AGBL3: variants seen among roughly 807,000 people sequenced by gnomAD.
AGBL3 encodes the protein cytosolic carboxypeptidase 3.
In AGBL3, 68 loss-of-function variants were observed where a neutral mutation model predicts 94.5. The observed-to-expected ratio is 0.72, with a 90% CI of 0.59 to 0.88. The LOEUF is 0.88. AGBL3 is among the 40% of genes least tolerant of loss of function. The pLI is 0.00. For synonymous variants in AGBL3, 354 were observed against 370.7 expected (o/e 0.95, Z 0.52); for missense variants, 934 against 1,103.8 (o/e 0.85, Z 2.18).
chr7:135,016,944 A>G (rs1813872425), intron 4 of AGBL3, 108 bp from the exon 5 acceptor site: 1 of 734,724 alleles, frequency 1.4e-6, no homozygotes, highest in African/African-American at 1.8e-5. Context: ...CACACAAAAC[A>G]CTACATTTTA....
At chr7:135,006,692 T>C (rs532078008) in intron 4 of AGBL3, among the ~76,000 whole-genome samples, 3 of 152,028 alleles carry the variant, frequency 2.0e-5, no homozygotes, top group South Asian at 2.1e-4. Flanking sequence ...TGAAATCTTA[T>C]GGAGGAATAC....
intron 15 of AGBL3, among the ~76,000 whole-genome samples, chr7:135,092,167 C>T (rs950592323): frequency 7.2e-6 from 1 of 139,012 alleles, no homozygotes; most frequent in African/African-American, 2.6e-5. Context: ...TTTCTCTCAT[C>T]TCTTCCAATA....
intron 15 of AGBL3, among the ~76,000 whole-genome samples, chr7:135,095,859 A>G (rs1343480357): frequency 6.6e-6 from 1 of 152,138 alleles, no homozygotes; most frequent in East Asian, 1.9e-4. Flanking sequence ...AGTGCTAACA[A>G]TTCATCTTTG....
At chr7:135,077,756 A>AT (rs1247041817) in intron 13 of AGBL3, among the ~76,000 whole-genome samples, 27 of 152,222 alleles carry the variant, frequency 1.8e-4, no homozygotes, top group African/African-American at 6.0e-4. Context: ...AAACGTTCAC[A>AT]TACCAGTTAA....
At chr7:135,075,510 G>A (rs1820364175) in intron 12 of AGBL3, among the ~76,000 whole-genome samples, 2 of 152,154 alleles carry the variant, frequency 1.3e-5, no homozygotes, top group Admixed American at 6.5e-5. Context: ...GTTGTTTTCA[G>A]TTTGGGGCCA....
At chr7:135,117,977 G>C (rs891201937) in intron 16 of AGBL3, among the ~76,000 whole-genome samples, 1 of 152,198 alleles carries the variant, frequency 6.6e-6, no homozygotes, top group African/African-American at 2.4e-5. Context: ...GCAAATTTGA[G>C]CTAAGGGAAG....
rs1258404319 is a variant in AGBL3, at chr7:135,072,667, A to G, written c.1909-3730A>G. ...TTCTCAGCAAACTATCACAAGGACAAAAAACCAAACACCGCATGTTCTCAC... is the reference window on the plus strand; with the variant it reads ...TTCTCAGCAAACTATCACAAGGACAGAAAACCAAACACCGCATGTTCTCAC... On this transcript the variant is annotated intron_variant, in intron 12 of 16. Coordinates refer to ENST00000436302, the MANE Select transcript of AGBL3 (RefSeq NM_178563.4). Among the ~76,000 whole-genome samples the G allele has an allele frequency of 7.9e-5, 12 of 152,038 alleles. No homozygotes were observed. In the East Asian group the frequency reaches 2.3e-3, roughly 29 times the overall value.
Position 135,135,030 on chromosome 7 carries a change from C to G in AGBL3, c.2532C>G (p.Ile844Met). 6.4e-7 allele frequency: 1 copy of G among 1,551,158 alleles called. No homozygotes were observed. The highest frequency in any genetic ancestry group is 8.7e-7 in the Non-Finnish European group (1 of 1,146,646). ...CCAAGAAGAATAAACATTCTCAAAT[C>G]TGGGCCATAAAGAATGAAGACATAA... ...KGPKKNKHSQ[I>M]WAIKNEDIKP... The change falls in exon 17 of 17, where the codon ATC (isoleucine) becomes ATG (methionine). Residue 844 changes from isoleucine (I) to methionine (M), a missense_variant. Ile to Met is a conservative substitution (Grantham distance 10). Transcript: ENST00000436302.
intron 14 of AGBL3, 27 bp downstream of exon 14, chr7:135,080,287 A>G: frequency 1.3e-6 from 2 of 1,534,026 alleles, no homozygotes; most frequent in Non-Finnish European, 1.8e-6. Flanking sequence ...ACCTTCTCAT[A>G]AACAATTAAT....
intron 15 of AGBL3, among the ~76,000 whole-genome samples, chr7:135,114,400 T>C (rs532015372): frequency 6.6e-6 from 1 of 152,304 alleles, no homozygotes; most frequent in South Asian, 2.1e-4. Context: ...CATCCTAATA[T>C]GGGGTGAGAT....
chr7:135,000,444 C>CT (rs1331884465), intron 4 of AGBL3, among the ~76,000 whole-genome samples: 3 of 152,124 alleles, frequency 2.0e-5, no homozygotes, highest in Non-Finnish European at 2.9e-5. Flanking sequence ...TGAGAGCTCT[C>CT]TTCTTGAACT....
chr7:135,037,935 G>A (rs925800289), intron 8 of AGBL3, among the ~76,000 whole-genome samples: 2 of 151,866 alleles, frequency 1.3e-5, no homozygotes, highest in Non-Finnish European at 2.9e-5. Flanking sequence ...CTTAAGAAAT[G>A]TATATTCTTA....
intron 4 of AGBL3, chr7:134,995,135 CAG>C (rs1231671401): frequency 4.6e-5 from 7 of 152,186 alleles, no homozygotes; most frequent in African/African-American, 1.7e-4. Context: ...ATATCTGTGA[CAG>C]AGGGAATGGA....
chr7:135,015,462 G>A (rs1563185041), intron 4 of AGBL3, among the ~76,000 whole-genome samples: 1 of 151,976 alleles, frequency 6.6e-6, no homozygotes, highest in East Asian at 1.9e-4. Flanking sequence ...CAAATACAAC[G>A]TAAAGAACAA....
chr7:134,991,889 G>A (rs1197344176), intron 3 of AGBL3, among the ~76,000 whole-genome samples: 1 of 152,108 alleles, frequency 6.6e-6, no homozygotes, highest in South Asian at 2.1e-4. Flanking sequence ...CTGTGCATGA[G>A]GCCTGCCATT....
intron 12 of AGBL3, among the ~76,000 whole-genome samples, chr7:135,059,769 T>C (rs539909827): frequency 3.3e-5 from 5 of 152,260 alleles, no homozygotes; most frequent in Non-Finnish European, 2.9e-5. Flanking sequence ...TAGGTGGAGA[T>C]TGCAGTTTGG....
rs1821917313 is a variant in AGBL3, at chr7:135,091,965, ATTTCTTAAAGAATTTAATCT to A, written c.2110+10178_2110+10197del. On this transcript the variant is annotated intron_variant, in intron 15 of 16. Transcript: ENST00000436302. ...ATCCACCTGGAAATCTGCAAGAATGATTTCTTAAAGAATTTAATCTTTAAATCATGATGTAGTCTTAACTG... is the reference window on the plus strand; with the variant it reads ...ATCCACCTGGAAATCTGCAAGAATGATTAAATCATGATGTAGTCTTAACTG... 2.0e-5 allele frequency among the ~76,000 whole-genome samples: 3 copies of A among 152,364 alleles called. No homozygotes were observed. The South Asian group carries it at 6.2e-4, about 32-fold the overall frequency.
chr7:135,026,287 A>ATTTTATTTTATTTTATTTTAT (rs1554497785), intron 5 of AGBL3, among the ~76,000 whole-genome samples: 2 of 148,226 alleles, frequency 1.3e-5, no homozygotes, highest in East Asian at 4.1e-4. Flanking sequence ...ATTTTATTTT[A>ATTTTATTTTATTTTATTTTAT]TTTTAGAGAT....
At chr7:135,046,105 C>G (rs976360063) in intron 11 of AGBL3, among the ~76,000 whole-genome samples, 194 bp downstream of exon 11, 1 of 152,090 alleles carries the variant, frequency 6.6e-6, no homozygotes, top group Admixed American at 6.6e-5. Flanking sequence ...ATGAACATTG[C>G]TATGTACAGT....
Sources: gnomAD v4.1 joint callset for allele counts (sites outside exome capture counted in the v4.1 genomes callset) on GRCh38, gnomAD v4.1.1 for gene constraint, MANE v1.5 for transcripts, NCBI Gene and HGNC (gene_info 2026-07-23, HGNC 2026-07-21) for gene names.